The following METTL24 variants were observed in gnomAD, a reference collection of about 807,000 sequenced individuals.
METTL24 encodes probable methyltransferase-like protein 24.
In METTL24, 29 loss-of-function variants were observed where a neutral mutation model predicts 32.7. That is an observed-to-expected ratio of 0.89 (90% confidence interval 0.66 to 1.21). METTL24 has a LOEUF of 1.21. Among genes scored for constraint, METTL24 ranks in the 50% most tolerant of loss-of-function variants. The pLI is 0.00. For missense variants in METTL24, 439 were observed against 468.1 expected (o/e 0.94, Z 0.57); for synonymous variants, 163 against 179.5 (o/e 0.91, Z 0.73).
intron 4 of METTL24, among the ~76,000 whole-genome samples, chr6:110,251,847 C>A (rs79453541): frequency 0.08 from 12,238 of 152,138 alleles, 515 homozygotes; most frequent in South Asian, 0.16. Context: ...CACACCCCTT[C>A]ATACTGCTTC....
intron 4 of METTL24, among the ~76,000 whole-genome samples, chr6:110,285,992 T>A (rs1771213424): frequency 6.6e-6 from 1 of 152,212 alleles, no homozygotes; most frequent in Non-Finnish European, 1.5e-5. Flanking sequence ...CCATAGTCAG[T>A]CATCATTCTC....
At chr6:110,281,282 A>G (rs1771130802) in intron 4 of METTL24, among the ~76,000 whole-genome samples, 1 of 152,182 alleles carries the variant, frequency 6.6e-6, no homozygotes, top group African/African-American at 2.4e-5. Context: ...AGCATAGGAT[A>G]GCCATAGGAA....
At chr6:110,260,637 A>G (rs1778475696) in intron 4 of METTL24, among the ~76,000 whole-genome samples, 1 of 152,210 alleles carries the variant, frequency 6.6e-6, no homozygotes, top group South Asian at 2.1e-4. Flanking sequence ...ACTCCTCGAG[A>G]AGAGCAACTC....
intron 1 of METTL24, among the ~76,000 whole-genome samples, chr6:110,334,769 T>C (rs1329459034): frequency 6.6e-6 from 1 of 152,224 alleles, no homozygotes; most frequent in East Asian, 1.9e-4. Flanking sequence ...ATCCATTAAC[T>C]CTTTTGTCAT....
At chr6:110,344,593 A>G (rs1341304966) in intron 1 of METTL24, among the ~76,000 whole-genome samples, 2 of 152,204 alleles carry the variant, frequency 1.3e-5, no homozygotes, top group African/African-American at 4.8e-5. Flanking sequence ...TCTGTTAATG[A>G]GAAGAATGAA....
At chr6:110,334,927 T>C (rs966355860) in intron 1 of METTL24, among the ~76,000 whole-genome samples, 1 of 152,230 alleles carries the variant, frequency 6.6e-6, no homozygotes, top group African/African-American at 2.4e-5. Context: ...TCTATATTTA[T>C]AGAACATTTT....
At chr6:110,293,720 T>C (rs1179296222) in intron 4 of METTL24, among the ~76,000 whole-genome samples, 1 of 151,914 alleles carries the variant, frequency 6.6e-6, no homozygotes, top group Non-Finnish European at 1.5e-5. Flanking sequence ...AACAGATTAG[T>C]GGTTACCAGG....
At chr6:110,307,318 AC>A (rs1405103716) in intron 3 of METTL24, among the ~76,000 whole-genome samples, 1 of 152,232 alleles carries the variant, frequency 6.6e-6, no homozygotes, top group African/African-American at 2.4e-5. Flanking sequence ...TAAAAAGACA[AC>A]CATTATTTAT....
intron 3 of METTL24, among the ~76,000 whole-genome samples, chr6:110,308,610 A>G (rs952614034): frequency 1.3e-5 from 2 of 152,230 alleles, no homozygotes; most frequent in East Asian, 1.9e-4. Flanking sequence ...AAATGAAAAC[A>G]TAAGTCCACA....
chr6:110,292,287 T>A (rs1365297387), intron 4 of METTL24, among the ~76,000 whole-genome samples: 1 of 152,258 alleles, frequency 6.6e-6, no homozygotes, highest in Non-Finnish European at 1.5e-5. Flanking sequence ...GCATTTGCAA[T>A]GTGATAGATA....
intron 1 of METTL24, among the ~76,000 whole-genome samples, chr6:110,353,804 C>CTTAT (rs1308675517): frequency 6.6e-6 from 1 of 152,026 alleles, no homozygotes; most frequent in Admixed American, 6.5e-5. Context: ...GATTGCCAAC[C>CTTAT]TATAAGAGAT....
chr6:110,286,835 A>G (rs1771230114), intron 4 of METTL24, among the ~76,000 whole-genome samples: 1 of 152,200 alleles, frequency 6.6e-6, no homozygotes, highest in Admixed American at 6.5e-5. Flanking sequence ...AAGCAGGAAG[A>G]AAAACGTGAA....
intron 3 of METTL24, among the ~76,000 whole-genome samples, chr6:110,300,324 T>C (rs1373728100): frequency 6.6e-6 from 1 of 151,852 alleles, no homozygotes; most frequent in African/African-American, 2.4e-5. Flanking sequence ...GACTATTGCA[T>C]AATCTGGAAA....
intron 1 of METTL24, among the ~76,000 whole-genome samples, chr6:110,333,919 C>T (rs1372149717): frequency 1.3e-5 from 2 of 152,042 alleles, no homozygotes; most frequent in Non-Finnish European, 2.9e-5. Context: ...TTTTCCCATC[C>T]ACTCTCTACA....
At chr6:110,349,844 T>C (rs890792115) in intron 1 of METTL24, among the ~76,000 whole-genome samples, 2 of 152,242 alleles carry the variant, frequency 1.3e-5, no homozygotes, top group African/African-American at 4.8e-5. Context: ...CCCTGGCTAG[T>C]TAAGCAGAAA....
chr6:110,342,386 G>T (rs1772377087), intron 1 of METTL24, among the ~76,000 whole-genome samples: 1 of 152,166 alleles, frequency 6.6e-6, no homozygotes, highest in Non-Finnish European at 1.5e-5. Flanking sequence ...CAGCATGTGG[G>T]CTCCACATTT....
rs181865285 is a variant in METTL24 at position 110,307,241 on chromosome 6, A to G, written c.558-8091T>C. Among the ~76,000 whole-genome samples, 341 of 152,348 alleles carry G rather than the reference A, an allele frequency of 2.2e-3. 1 individual carries two copies. Among genetic ancestry groups the G allele is most frequent in the South Asian group, 8.9e-3 (43 of 4,828 alleles). On this transcript the variant is annotated intron_variant, in intron 3 of 4. Coordinates refer to ENST00000338882, the MANE Select transcript of METTL24 (RefSeq NM_001123364.3). Reference sequence around the variant, plus strand: ...CCAGGGACAAATGGATAAGTTAAACATGGTCCTTGATCTGAAGAGGTTCAC... The same window carrying G: ...CCAGGGACAAATGGATAAGTTAAACGTGGTCCTTGATCTGAAGAGGTTCAC...
At chr6:110,247,639 T>C (rs1250431872) in intron 4 of METTL24, among the ~76,000 whole-genome samples, 3 of 152,212 alleles carry the variant, frequency 2.0e-5, no homozygotes, top group Admixed American at 6.5e-5. Flanking sequence ...GCAAAGGCTG[T>C]AGCCCCAAGA....
At chr6:110,262,420 G>A (rs928063876) in intron 4 of METTL24, among the ~76,000 whole-genome samples, 2 of 152,114 alleles carry the variant, frequency 1.3e-5, no homozygotes, top group Non-Finnish European at 2.9e-5. Flanking sequence ...AAACCAAGAA[G>A]AAATTGAATC....
Sources: gnomAD v4.1 joint callset for allele counts (sites outside exome capture counted in the v4.1 genomes callset) on GRCh38, gnomAD v4.1.1 for gene constraint, MANE v1.5 for transcripts, NCBI Gene and HGNC (gene_info 2026-07-23, HGNC 2026-07-21) for gene names.